LCMT1: variants seen among roughly 807,000 people sequenced by gnomAD.
LCMT1 encodes [Phosphatase 2A protein]-leucine-carboxy methyltransferase 1.
A neutral mutation model predicts 47.7 loss-of-function variants in LCMT1; 32 were observed. The observed-to-expected ratio is 0.67, with a 90% CI of 0.51 to 0.90. The LOEUF is 0.90. Ranked by LOEUF, LCMT1 falls within the 40% of genes least tolerant of loss-of-function variation. The pLI, the probability that LCMT1 is intolerant of heterozygous loss-of-function variation, is 0.00. For missense variants in LCMT1, 375 were observed against 415.2 expected, an observed-to-expected ratio of 0.90 and a Z score of 0.84; for synonymous variants, 152 against 149.7, an observed-to-expected ratio of 1.02 and a Z score of -0.11.
rs775247915 is a variant in LCMT1 at position 25,111,916 on chromosome 16, C to T, written c.33C>T (p.Thr11=). The T allele has an allele frequency of 8.7e-6, 14 of 1,613,390 alleles. No homozygotes were observed. The East Asian group carries it at 1.8e-4, about 21-fold the overall frequency. ...CTAGGCAGAGGGAATCCTCTATCACCTCCTGCTGTTCCACCTCGAGCTGCG... is the reference window on the plus strand; with the variant it reads ...CTAGGCAGAGGGAATCCTCTATCACTTCCTGCTGTTCCACCTCGAGCTGCG... The part of the protein sequence containing the change: MATRQRESSI[T]SCCSTSSCDA... Residue 11 remains threonine (T), a synonymous_variant, in exon 1 of 11, where the codon ACC becomes ACT. Transcript: ENST00000399069.
chr16:25,113,066 G>A (rs542467891), intron 1 of LCMT1, among the ~76,000 whole-genome samples: 78 of 151,572 alleles, frequency 5.1e-4, no homozygotes, highest in African/African-American at 1.6e-3. Flanking sequence ...ATTTGAACCC[G>A]GGAGGCAGAG....
rs200060418 is a variant in LCMT1, at chr16:25,112,012, G to C, written c.113+16G>C. 5 of 1,583,670 alleles carry C rather than the reference G, an allele frequency of 3.2e-6. No homozygotes were observed. In the African/African-American group the frequency reaches 5.4e-5, roughly 17 times the overall value. On this transcript the variant is annotated intron_variant, in intron 1 of 10. Transcript: ENST00000399069. ...TGTGCAAGAGGTGCCTGTCGGGCGC[G>C]GGGTTCGGGGCCGGCATCTGGGGCG...
chr16:25,140,813 A>G (rs1233434286), intron 4 of LCMT1: 1 of 152,948 alleles, frequency 6.5e-6, no homozygotes, highest in East Asian at 1.9e-4. Flanking sequence ...GGGATACTCC[A>G]TAACCTTGGT....
At chr16:25,126,529 C>A (rs1476211245) in intron 1 of LCMT1, among the ~76,000 whole-genome samples, 1 of 152,176 alleles carries the variant, frequency 6.6e-6, no homozygotes, top group African/African-American at 2.4e-5. Flanking sequence ...TCACTGCCTT[C>A]ATTCCTCATC....
intron 1 of LCMT1, among the ~76,000 whole-genome samples, chr16:25,123,095 ATCTG>A (rs1960043261): frequency 1.3e-5 from 2 of 151,976 alleles, no homozygotes; most frequent in Non-Finnish European, 2.9e-5. Flanking sequence ...TGGCCTGTTC[ATCTG>A]TCTTTTTTAG....
At position 25,120,738 on chromosome 16, in the gene LCMT1, TG is replaced by T. The variant is rs1422991414; in HGVS notation, c.114-7736del. 2.1e-3 allele frequency among the ~76,000 whole-genome samples: 311 copies of T among 146,490 alleles called. 12 individuals carry two copies. The highest frequency in any genetic ancestry group is 7.8e-3 in the African/African-American group (297 of 38,116). ...GACACCGCACCTGGCCTTGTTTTTT[TG>T]TTTTTTTTTTTTGTTTTTTTTTTTT... On this transcript the variant is annotated intron_variant, in intron 1 of 10. Coordinates refer to ENST00000399069, the MANE Select transcript of LCMT1 (RefSeq NM_016309.3).
intron 3 of LCMT1, among the ~76,000 whole-genome samples, chr16:25,135,425 T>G (rs756372391): frequency 5.3e-5 from 8 of 152,164 alleles, no homozygotes; most frequent in Non-Finnish European, 8.8e-5. Context: ...CCCATTTGTT[T>G]GCATATTGTG....
At chr16:25,135,771 A>G (rs1268609314) in intron 3 of LCMT1, among the ~76,000 whole-genome samples, 1 of 152,104 alleles carries the variant, frequency 6.6e-6, no homozygotes, top group African/African-American at 2.4e-5. Flanking sequence ...GGAACAGGAC[A>G]AAGAAGAGTT....
intron 5 of LCMT1, 57 bp downstream of exon 5, chr16:25,151,672 T>A (rs1961084152): frequency 3.0e-6 from 4 of 1,323,920 alleles, no homozygotes; most frequent in Admixed American, 1.9e-5. Flanking sequence ...TCCCACCCCC[T>A]TTTTGAAGAT....
chr16:25,133,755 C>G (rs111483498), intron 3 of LCMT1, among the ~76,000 whole-genome samples: 2,011 of 150,038 alleles, frequency 0.013, 39 homozygotes, highest in African/African-American at 0.047. Flanking sequence ...ACTAATTGGC[C>G]GGGCATGGTG....
chr16:25,173,785 T>G (rs546307540), intron 9 of LCMT1, among the ~76,000 whole-genome samples: 2 of 152,274 alleles, frequency 1.3e-5, no homozygotes, highest in African/African-American at 4.8e-5. Context: ...CCTCAAGTGA[T>G]TCTCCCACCT....
At chr16:25,120,752 GTTT>G (rs377043606) in intron 1 of LCMT1, among the ~76,000 whole-genome samples, 1 of 114,474 alleles carries the variant, frequency 8.7e-6, no homozygotes, top group Non-Finnish European at 1.8e-5. Flanking sequence ...TTTTTTTTTT[GTTT>G]TTTTTTTTTT....
chr16:25,138,658 C>G (rs1960576942), intron 3 of LCMT1, among the ~76,000 whole-genome samples: 1 of 152,238 alleles, frequency 6.6e-6, no homozygotes, highest in African/African-American at 2.4e-5. Flanking sequence ...TAAAGGCACA[C>G]ACGTGTTGAT....
chr16:25,141,856 A>C (rs995067801), intron 4 of LCMT1: 4 of 152,246 alleles, frequency 2.6e-5, no homozygotes, highest in Admixed American at 6.5e-5. Context: ...ACTAGTTGCC[A>C]GTGTTTCAAG....
At chr16:25,126,490 T>TC (rs1329673686) in intron 1 of LCMT1, among the ~76,000 whole-genome samples, 4 of 152,136 alleles carry the variant, frequency 2.6e-5, no homozygotes, top group African/African-American at 9.7e-5. Flanking sequence ...GAGAGAGGCC[T>TC]CCCCCGTGAC....
At chr16:25,114,567 G>A (rs1010056098) in intron 1 of LCMT1, among the ~76,000 whole-genome samples, 1 of 152,036 alleles carries the variant, frequency 6.6e-6, no homozygotes, top group Admixed American at 6.6e-5. Flanking sequence ...CACTGAGTCT[G>A]TTCTCCCCTC....
chr16:25,112,038 C>A, intron 1 of LCMT1, 42 bp downstream of exon 1: 1 of 1,388,722 alleles, frequency 7.2e-7, no homozygotes, highest in Non-Finnish European at 1.0e-6. Context: ...ATCTGGGGCG[C>A]GGGCCTAGGT....
At chr16:25,176,648 G>A (rs9927225) in intron 10 of LCMT1, among the ~76,000 whole-genome samples, 2,614 of 120,970 alleles carry the variant, frequency 0.022, 84 homozygotes, top group African/African-American at 0.075. Context: ...TGCAACCTCC[G>A]CCTCCTGGGT....
intron 1 of LCMT1, among the ~76,000 whole-genome samples, chr16:25,120,323 A>C (rs553642664): frequency 4.0e-5 from 6 of 151,394 alleles, no homozygotes; most frequent in Non-Finnish European, 8.8e-5. Context: ...TCCCGGGTTC[A>C]AGTGATTCTC....
Sources: gnomAD v4.1 joint callset for allele counts (sites outside exome capture counted in the v4.1 genomes callset) on GRCh38, gnomAD v4.1.1 for gene constraint, MANE v1.5 for transcripts, NCBI Gene and HGNC (gene_info 2026-07-23, HGNC 2026-07-21) for gene names.